The following AFF3 variants were observed in gnomAD, a reference collection of about 807,000 sequenced individuals.
The protein encoded by AFF3 is ALF transcription elongation factor 3.
AFF3 carries 32 observed loss-of-function variants against 129.7 expected under a neutral mutation model. The ratio of observed to expected loss-of-function variants is 0.25; its 90% CI spans 0.19 to 0.33. The LOEUF (loss-of-function observed/expected upper bound fraction) is 0.33. Ranked by LOEUF, AFF3 falls within the 10% of genes least tolerant of loss-of-function variation. The probability of loss-of-function intolerance (pLI) is 1.00; values close to 1 mark genes in which losing one functional copy is unlikely to be tolerated. For missense variants in AFF3, 1,373 were observed against 1,592.0 expected, an observed-to-expected ratio of 0.86 and a Z score of 2.34; for synonymous variants, 644 against 635.4, an observed-to-expected ratio of 1.01 and a Z score of -0.20.
chr2:99,594,753 C>G (rs1679121037), intron 14 of AFF3, among the ~76,000 whole-genome samples: 2 of 152,044 alleles, frequency 1.3e-5, no homozygotes, highest in African/African-American at 4.8e-5. Context: ...ACCTACAATC[C>G]CAAACAATTA....
chr2:99,871,937 GT>G (rs1691893948), intron 7 of AFF3, among the ~76,000 whole-genome samples: 1 of 152,086 alleles, frequency 6.6e-6, no homozygotes, highest in African/African-American at 2.4e-5. Flanking sequence ...GCCAGGTGCG[GT>G]GGCTCATGCC....
At chr2:99,974,865 G>A (rs867795623) in intron 7 of AFF3, among the ~76,000 whole-genome samples, 13 of 152,178 alleles carry the variant, frequency 8.5e-5, no homozygotes, top group Non-Finnish European at 1.6e-4. Flanking sequence ...TGACACGTGT[G>A]ACAAACTCTA....
At chr2:99,573,594 T>C (rs1676708675) in intron 18 of AFF3, among the ~76,000 whole-genome samples, 1 of 152,174 alleles carries the variant, frequency 6.6e-6, no homozygotes. Context: ...AGTATTCCCA[T>C]CCTCTATAAA....
At chr2:100,080,123 T>G (rs1688929233) in intron 4 of AFF3, among the ~76,000 whole-genome samples, 1 of 152,092 alleles carries the variant, frequency 6.6e-6, no homozygotes, top group South Asian at 2.1e-4. Flanking sequence ...AGAGCCAGAG[T>G]GAACACCTGC....
intron 8 of AFF3, among the ~76,000 whole-genome samples, chr2:99,763,668 T>C (rs1270477956): frequency 2.6e-5 from 4 of 152,242 alleles, no homozygotes; most frequent in Non-Finnish European, 5.9e-5. Context: ...TCTCATAGTA[T>C]AGCATAGGCT....
intron 13 of AFF3, among the ~76,000 whole-genome samples, chr2:99,649,011 G>A (rs1394422039): frequency 6.6e-6 from 1 of 151,840 alleles, no homozygotes; most frequent in Non-Finnish European, 1.5e-5. Flanking sequence ...ATTCTAGAAA[G>A]TGACTTTACA....
At chr2:99,777,095 T>C (rs1294638111) in intron 8 of AFF3, among the ~76,000 whole-genome samples, 1 of 152,194 alleles carries the variant, frequency 6.6e-6, no homozygotes, top group Non-Finnish European at 1.5e-5. Flanking sequence ...CAGGCGGTGA[T>C]GCTTGGAATT....
chr2:99,562,347 A>G (rs1336715824), intron 20 of AFF3, among the ~76,000 whole-genome samples: 1 of 151,880 alleles, frequency 6.6e-6, no homozygotes, highest in Non-Finnish European at 1.5e-5. Context: ...TAATTTTTTC[A>G]GTCTATTTCT....
rs752016546 is a variant in AFF3 at position 99,558,827 on chromosome 2, G to A, written c.3285+48C>T. ...CCAGGTGCTTCACAAATTTGACAGG[G>A]AGACAAGTGAAATTAAGGAACAATT... On this transcript the variant is annotated intron_variant, in intron 22 of 24. Transcript: ENST00000672756. 2.5e-6 allele frequency: 4 copies of A among 1,571,618 alleles called. No individual in the cohort carries two copies. In the Admixed American group the frequency reaches 6.7e-5, roughly 26 times the overall value.
chr2:99,689,018 G>C (rs1675344551), intron 11 of AFF3, among the ~76,000 whole-genome samples: 1 of 152,110 alleles, frequency 6.6e-6, no homozygotes, highest in Non-Finnish European at 1.5e-5. Context: ...CGTGGGTTTT[G>C]ACTTCCTCTC....
At chr2:99,808,020 G>T (rs1446404408) in intron 8 of AFF3, among the ~76,000 whole-genome samples, 1 of 151,414 alleles carries the variant, frequency 6.6e-6, no homozygotes. Context: ...TCACCATAGG[G>T]TAGGAATCCC....
At chr2:99,932,538 TC>T (rs1674125881) in intron 7 of AFF3, among the ~76,000 whole-genome samples, 1 of 152,096 alleles carries the variant, frequency 6.6e-6, no homozygotes, top group African/African-American at 2.4e-5. Flanking sequence ...ATCGACCACT[TC>T]CCCACAGCAA....
chr2:99,720,238 G>A (rs750073317), intron 11 of AFF3, among the ~76,000 whole-genome samples: 2 of 152,126 alleles, frequency 1.3e-5, no homozygotes, highest in African/African-American at 4.8e-5. Context: ...GGTATTGGGA[G>A]CTGGGGCCCA....
intron 7 of AFF3, among the ~76,000 whole-genome samples, chr2:99,966,896 T>C (rs1244462839): frequency 6.6e-6 from 1 of 152,070 alleles, no homozygotes; most frequent in African/African-American, 2.4e-5. Flanking sequence ...AACAGATTAA[T>C]AGCACTCTAT....
chr2:99,748,939 G>A (rs1249685197), intron 9 of AFF3, among the ~76,000 whole-genome samples: 2 of 152,106 alleles, frequency 1.3e-5, no homozygotes, highest in East Asian at 1.9e-4. Flanking sequence ...TCTGTGTGTC[G>A]ATTTTAGATT....
intron 11 of AFF3, among the ~76,000 whole-genome samples, chr2:99,680,321 C>G (rs558445605): frequency 6.6e-6 from 1 of 152,288 alleles, no homozygotes; most frequent in South Asian, 2.1e-4. Context: ...GTTTTAAGGA[C>G]TTCTAGAAAA....
intron 1 of AFF3, 24 bp from the exon 2 acceptor site, chr2:100,129,330 A>G (rs1692322922): frequency 1.3e-5 from 2 of 151,812 alleles, no homozygotes; most frequent in Admixed American, 1.3e-4. Flanking sequence ...GCGATTGGGT[A>G]TTTAGGCAAA....
intron 9 of AFF3, among the ~76,000 whole-genome samples, chr2:99,747,679 T>G (rs1336390246): frequency 1.3e-5 from 2 of 152,168 alleles, no homozygotes; most frequent in Admixed American, 1.3e-4. Context: ...TTCTGTTTTG[T>G]GTGATAGGGA....
At chr2:99,794,073 T>C (rs1685396766) in intron 8 of AFF3, among the ~76,000 whole-genome samples, 1 of 152,238 alleles carries the variant, frequency 6.6e-6, no homozygotes, top group African/African-American at 2.4e-5. Flanking sequence ...TTTCCAGATA[T>C]CTCTTTTATT....
Sources: allele counts gnomAD v4.1 joint callset (sites outside exome capture counted in the v4.1 genomes callset), GRCh38; gene constraint gnomAD v4.1.1; transcripts MANE v1.5; gene names NCBI Gene and HGNC (gene_info 2026-07-23, HGNC 2026-07-21).